The following DOCK5 variants were observed in gnomAD, a reference collection of about 807,000 sequenced individuals.
DOCK5 encodes dedicator of cytokinesis 5.
A neutral mutation model predicts 251.8 loss-of-function variants in DOCK5; 142 were observed. The ratio of observed to expected loss-of-function variants is 0.56; its 90% CI spans 0.49 to 0.65. The LOEUF (loss-of-function observed/expected upper bound fraction) is 0.65. Ranked by LOEUF, DOCK5 falls within the 30% of genes least tolerant of loss-of-function variation. DOCK5 has a pLI of 0.00. For synonymous variants in DOCK5, 842 were observed against 835.5 expected, an observed-to-expected ratio of 1.01 and a Z score of -0.13; for missense variants, 2,111 against 2,312.3, an observed-to-expected ratio of 0.91 and a Z score of 1.79.
intron 15 of DOCK5, 127 bp downstream of exon 15, chr8:25,319,803 T>C: frequency 1.7e-6 from 1 of 593,758 alleles, no homozygotes; most frequent in Middle Eastern, 4.6e-4. Flanking sequence ...TGGTGTGCAG[T>C]AAGAAATGAA....
intron 22 of DOCK5, among the ~76,000 whole-genome samples, chr8:25,338,320 C>T (rs1026022579): frequency 3.3e-5 from 5 of 152,224 alleles, no homozygotes; most frequent in African/African-American, 4.8e-5. Flanking sequence ...GAATTACAGG[C>T]GTGAGCCACC....
At chr8:25,352,069 G>A (rs917361267) in intron 27 of DOCK5, among the ~76,000 whole-genome samples, 1 of 151,912 alleles carries the variant, frequency 6.6e-6, no homozygotes, top group Non-Finnish European at 1.5e-5. Context: ...AATTAGCTGG[G>A]TGTGGTGGTG....
intron 12 of DOCK5, 24 bp from the exon 13 acceptor site, chr8:25,310,383 C>A: frequency 6.3e-7 from 1 of 1,591,658 alleles, no homozygotes. Flanking sequence ...AAGAACTAAA[C>A]GTTTATCTTT....
At chr8:25,397,720 C>G (rs796894848) in intron 45 of DOCK5, among the ~76,000 whole-genome samples, 9 of 152,202 alleles carry the variant, frequency 5.9e-5, no homozygotes, top group African/African-American at 2.2e-4. Context: ...ACAGAATACC[C>G]CTAATCACAG....
Position 25,210,028 on chromosome 8 carries a change from ATATAT to A in DOCK5, c.43+25078_43+25082del, listed in dbSNP as rs1586230422. On this transcript the variant is annotated intron_variant, in intron 1 of 51. Coordinates refer to ENST00000276440, the MANE Select transcript of DOCK5 (RefSeq NM_024940.8). ...GCTAATTATATATATATATATATATATATATAAATGTGTGTGTGTGTGTGTGTGTG... is the reference window on the plus strand; with the variant it reads ...GCTAATTATATATATATATATATATAAAATGTGTGTGTGTGTGTGTGTGTG... Among the ~76,000 whole-genome samples, 2 of 25,816 alleles carry A rather than the reference ATATAT, an allele frequency of 7.7e-5. 1 individual carries two copies. The highest frequency in any genetic ancestry group is 2.7e-3 in the South Asian group (2 of 742). 16.9% of individuals were successfully genotyped at this position (25,816 alleles called of 152,430 possible). A position where few individuals can be genotyped will look rare whatever the true frequency, so the allele number is the denominator to read the frequency against.
At chr8:25,338,999 A>G (rs1039199187) in intron 22 of DOCK5, among the ~76,000 whole-genome samples, 2 of 152,168 alleles carry the variant, frequency 1.3e-5, no homozygotes, top group Non-Finnish European at 2.9e-5. Flanking sequence ...GAGTTGCTTC[A>G]TTACACACTG....
At chr8:25,267,546 A>G (rs1803789463) in intron 2 of DOCK5, among the ~76,000 whole-genome samples, 1 of 152,220 alleles carries the variant, frequency 6.6e-6, no homozygotes, top group Non-Finnish European at 1.5e-5. Flanking sequence ...GGCAGATGCC[A>G]GAAGTTTTAA....
chr8:25,239,931 GC>G (rs1242347210), intron 1 of DOCK5, among the ~76,000 whole-genome samples: 1 of 152,112 alleles, frequency 6.6e-6, no homozygotes, highest in Non-Finnish European at 1.5e-5. Context: ...AAAACAGGTG[GC>G]TGGACGTGTG....
intron 23 of DOCK5, among the ~76,000 whole-genome samples, chr8:25,341,521 G>T (rs1433949377): frequency 6.6e-6 from 1 of 152,172 alleles, no homozygotes; most frequent in African/African-American, 2.4e-5. Flanking sequence ...GAGCCTGCTG[G>T]CAGTAGAAAC....
At chr8:25,386,032 G>C (rs888130634) in intron 40 of DOCK5, among the ~76,000 whole-genome samples, 1 of 152,200 alleles carries the variant, frequency 6.6e-6, no homozygotes, top group Non-Finnish European at 1.5e-5. Context: ...ATAGGAGAAT[G>C]GGGCAGGTGG....
chr8:25,311,509 C>G (rs980166398), intron 13 of DOCK5, among the ~76,000 whole-genome samples: 2 of 147,108 alleles, frequency 1.4e-5, no homozygotes, highest in African/African-American at 5.0e-5. Flanking sequence ...CACCACTGCA[C>G]TCCAGCCTGG....
chr8:25,288,870 A>G (rs1804410796), intron 5 of DOCK5, among the ~76,000 whole-genome samples: 1 of 152,194 alleles, frequency 6.6e-6, no homozygotes, highest in Non-Finnish European at 1.5e-5. Context: ...TGTTTTGCTA[A>G]GGACTGGGGG....
At chr8:25,339,403 G>C (rs1282378672) in intron 22 of DOCK5, among the ~76,000 whole-genome samples, 1 of 152,206 alleles carries the variant, frequency 6.6e-6, no homozygotes, top group African/African-American at 2.4e-5. Context: ...GGCTTTTGCA[G>C]CATATGTGAC....
chr8:25,400,356 G>A lies in DOCK5; in HGVS notation c.4788+362G>A, dbSNP rs541473072. ...TCTACTAAAACTACAAAATTAGCCA[G>A]GCATGGTGGTGCATGCTTGTAATCC... On this transcript the variant is annotated intron_variant, in intron 46 of 51. Coordinates refer to ENST00000276440, the MANE Select transcript of DOCK5 (RefSeq NM_024940.8). Among the ~76,000 whole-genome samples, 7 of 152,042 alleles carry A rather than the reference G, an allele frequency of 4.6e-5. No homozygotes were observed. The East Asian group carries it at 9.7e-4, about 21-fold the overall frequency.
rs769504068 is a variant in DOCK5 at position 25,403,607 on chromosome 8, T to C, written c.4976T>C (p.Leu1659Pro). The change falls in exon 48 of 52, where the codon CTC (leucine) becomes CCC (proline). Residue 1659 changes from leucine to proline, a missense_variant. Coordinates refer to ENST00000276440, the MANE Select transcript of DOCK5 (RefSeq NM_024940.8). ...CAAAGCCGCACGGGGTCTATTGTGC[T>C]CCCCTACATCATGTCTTCCACTCTG... ...RKQSRTGSIV[L>P]PYIMSSTLRR... 2 of 1,613,946 alleles carry C rather than the reference T, an allele frequency of 1.2e-6. No individual in the cohort carries two copies. The highest frequency in any genetic ancestry group is 1.7e-6 in the Non-Finnish European group (2 of 1,179,876).
intron 15 of DOCK5, 118 bp from the exon 16 acceptor site, chr8:25,320,862 C>A: frequency 1.2e-6 from 1 of 811,332 alleles, no homozygotes; most frequent in Admixed American, 2.5e-5. Context: ...TATACCAAAT[C>A]TCACTCTCTA....
chr8:25,219,639 A>G (rs73558450), intron 1 of DOCK5, among the ~76,000 whole-genome samples: 4,750 of 152,018 alleles, frequency 0.031, 89 homozygotes, highest in South Asian at 0.043. Flanking sequence ...GTTTGCACAT[A>G]GAACTTGAAA....
intron 11 of DOCK5, among the ~76,000 whole-genome samples, chr8:25,306,117 C>G (rs1406086118): frequency 6.6e-6 from 1 of 151,948 alleles, no homozygotes; most frequent in Non-Finnish European, 1.5e-5. Context: ...TGCACTCCAT[C>G]CTGGGTGACA....
chr8:25,366,228 C>T (rs1402647932), intron 30 of DOCK5, among the ~76,000 whole-genome samples: 3 of 152,150 alleles, frequency 2.0e-5, no homozygotes, highest in African/African-American at 7.2e-5. Flanking sequence ...CGGTGGCTCA[C>T]GCCTATAGTC....
Sources: allele counts gnomAD v4.1 joint callset (sites outside exome capture counted in the v4.1 genomes callset), GRCh38; gene constraint gnomAD v4.1.1; transcripts MANE v1.5; gene names NCBI Gene and HGNC (gene_info 2026-07-23, HGNC 2026-07-21).